Variants in GGNBP2 observed in about 807,000 individuals in gnomAD.
GGNBP2 encodes gametogenetin binding protein 2.
In GGNBP2, 10 loss-of-function variants were observed where a neutral mutation model predicts 85.9. The observed-to-expected ratio is 0.12, with a 90% CI of 0.07 to 0.20. The LOEUF is 0.20. GGNBP2 is among the 10% of genes least tolerant of loss of function. GGNBP2 has a pLI of 1.00. For missense variants in GGNBP2, 595 were observed against 857.8 expected (o/e 0.69, Z 3.83); for synonymous variants, 287 against 285.7 (o/e 1.00, Z -0.05).
chr17:36,550,025 C>A (rs557004412), intron 2 of GGNBP2, among the ~76,000 whole-genome samples: 5 of 152,004 alleles, frequency 3.3e-5, no homozygotes, highest in Non-Finnish European at 7.4e-5. Flanking sequence ...GCAACCTCCG[C>A]CTTCCAGGTT....
At chr17:36,577,500 T>C (rs1184001171) in intron 6 of GGNBP2, 2 of 159,874 alleles carry the variant, frequency 1.3e-5, no homozygotes, top group East Asian at 1.8e-4. Context: ...CTCAAATGCT[T>C]AGCTAGTGAA....
chr17:36,545,345 G>A (rs1018880418), intron 1 of GGNBP2, among the ~76,000 whole-genome samples: 1 of 146,314 alleles, frequency 6.8e-6, no homozygotes, highest in Non-Finnish European at 1.5e-5. Flanking sequence ...CAGCGGGCGG[G>A]GAAGCCCCCG....
chr17:36,570,075 G>A (rs1386541793), intron 6 of GGNBP2, among the ~76,000 whole-genome samples: 1 of 152,116 alleles, frequency 6.6e-6, no homozygotes, highest in Non-Finnish European at 1.5e-5. Context: ...CTCAATTTTT[G>A]TCTTCTTTAA....
At chr17:36,571,715 C>T (rs574237486) in intron 6 of GGNBP2, among the ~76,000 whole-genome samples, 21 of 151,910 alleles carry the variant, frequency 1.4e-4, no homozygotes, top group African/African-American at 5.1e-4. Context: ...TGATGGCGGG[C>T]GCCTGTAGTC....
At chr17:36,567,565 C>T (rs1009510516) in intron 5 of GGNBP2, 98 bp from the exon 6 acceptor site, 9 of 659,422 alleles carry the variant, frequency 1.4e-5, no homozygotes, top group South Asian at 5.7e-5. Context: ...CAGGGAACAG[C>T]CAGGTAAAAA....
Position 36,562,953 on chromosome 17 carries a change from CAAAAAAAAAAAAAAAA to C in GGNBP2, c.527+2097_527+2112del, listed in dbSNP as rs34799358. 7.2e-3 allele frequency among the ~76,000 whole-genome samples: 294 copies of C among 40,582 alleles called. 1 individual carries two copies. The highest frequency in any genetic ancestry group is 0.031 in the African/African-American group (274 of 8,820). The allele number at this position is 40,582 out of a possible 152,430, so 26.6% of individuals were successfully genotyped here. On this transcript the variant is annotated intron_variant, in intron 5 of 13. Transcript: ENST00000613102. ...TGGGCGACAGAGCGAGACTCTGTCT[CAAAAAAAAAAAAAAAA>C]AAAAAAAAAAAAAAGGCTGGGCGTG...
chr17:36,545,654 G>C lies in GGNBP2; in HGVS notation c.-71G>C. On this transcript the variant is annotated 5_prime_UTR_variant, in exon 2 of 14. Coordinates refer to ENST00000613102, the MANE Select transcript of GGNBP2 (RefSeq NM_024835.5). ...GGAGGAGGCGGCAGCGGCGGCGGCA[G>C]AAACAGCAGCGGCGGCGGCGGCGGC... is the stretch of plus-strand genomic sequence containing the variant. 2 of 1,261,052 alleles carry C rather than the reference G, an allele frequency of 1.6e-6. No individual in the cohort carries two copies. Among genetic ancestry groups the C allele is most frequent in the South Asian group, 2.6e-5 (2 of 77,924 alleles). The allele number at this position is 1,261,052 out of a possible 1,614,324, so 78.1% of individuals were successfully genotyped here.
At position 36,587,418 on chromosome 17, in the gene GGNBP2, A is replaced by G. The variant is rs568851083; in HGVS notation, c.1890+173A>G. 4.3e-5 allele frequency: 30 copies of G among 701,362 alleles called. No individual in the cohort carries two copies. In the African/African-American group the frequency reaches 4.6e-4, roughly 11 times the overall value. The allele number at this position is 701,362 out of a possible 1,614,324, so 43.4% of individuals were successfully genotyped here. On this transcript the variant is annotated intron_variant, in intron 13 of 13. Transcript: ENST00000613102. ...ATTTCTGTCCTTCCACTCGTGGTTT[A>G]TGCAACTACTCTGGAACACGTTTCC...
intron 6 of GGNBP2, among the ~76,000 whole-genome samples, 155 bp downstream of exon 6, chr17:36,567,931 CTT>C (rs373695854): frequency 4.9e-5 from 7 of 143,444 alleles, no homozygotes; most frequent in Non-Finnish European, 9.2e-5. Flanking sequence ...TAGGCAGTTC[CTT>C]TTTTTTTTTT....
chr17:36,582,751 A>C (rs1200940564), intron 9 of GGNBP2, among the ~76,000 whole-genome samples: 2 of 152,166 alleles, frequency 1.3e-5, no homozygotes, highest in Non-Finnish European at 2.9e-5. Context: ...ATCAAAGTCA[A>C]AATATAGAAA....
intron 4 of GGNBP2, among the ~76,000 whole-genome samples, chr17:36,559,491 A>G (rs987067258): frequency 1.3e-5 from 2 of 152,122 alleles, no homozygotes; most frequent in African/African-American, 4.8e-5. Flanking sequence ...TATAAATAGG[A>G]AAAGAAGAAG....
chr17:36,584,427 G>A (rs535300642), intron 9 of GGNBP2, among the ~76,000 whole-genome samples: 13 of 152,016 alleles, frequency 8.6e-5, no homozygotes, highest in African/African-American at 2.7e-4. Context: ...AGGCTCTGCC[G>A]TCCGTGTTCA....
At chr17:36,552,955 G>A (rs1331494813) in intron 2 of GGNBP2, among the ~76,000 whole-genome samples, 1 of 150,580 alleles carries the variant, frequency 6.6e-6, no homozygotes, top group African/African-American at 2.4e-5. Flanking sequence ...CTGGGAGGCG[G>A]AGGTTGCAGT....
At chr17:36,587,377 ATTG>A in intron 13 of GGNBP2, 132 bp downstream of exon 13, 1 of 958,540 alleles carries the variant, frequency 1.0e-6, no homozygotes, top group African/African-American at 1.6e-5. Flanking sequence ...GTATTTCATT[ATTG>A]TTTGGGGACT....
In GGNBP2 at chr17:36,559,723, A is replaced by C. The variant is rs2142715389; in HGVS notation, c.429-1050A>C. On this transcript the variant is annotated intron_variant, in intron 4 of 13. Transcript: ENST00000613102. ...AAGGAGACCATTTAGGAGGCCAGCT[A>C]TTGCAGTTGACTAAGCTAGAGATTG... Among the ~76,000 whole-genome samples the C allele has an allele frequency of 1.3e-5, 2 of 152,324 alleles. 1 individual carries two copies. The highest frequency in any genetic ancestry group is 4.1e-4 in the South Asian group (2 of 4,828).
chr17:36,552,784 T>G (rs887233553), intron 2 of GGNBP2, among the ~76,000 whole-genome samples: 3 of 151,600 alleles, frequency 2.0e-5, no homozygotes, highest in African/African-American at 7.3e-5. Flanking sequence ...ACTTTGGGAG[T>G]CCGAGGCAGG....
intron 3 of GGNBP2, 23 bp from the exon 4 acceptor site, chr17:36,557,058 CTT>C: frequency 6.2e-7 from 1 of 1,612,878 alleles, no homozygotes; most frequent in East Asian, 2.2e-5. Flanking sequence ...AAAGGACACT[CTT>C]TCATTTTCTT....
At chr17:36,580,184 T>A (rs2074632647) in intron 8 of GGNBP2, among the ~76,000 whole-genome samples, 1 of 151,452 alleles carries the variant, frequency 6.6e-6, no homozygotes, top group South Asian at 2.1e-4. Flanking sequence ...ATAAGGACTA[T>A]TTTTCTTTCT....
chr17:36,546,936 A>T (rs894365606), intron 2 of GGNBP2: 2 of 152,172 alleles, frequency 1.3e-5, no homozygotes, highest in African/African-American at 4.8e-5. Context: ...TGCCAGTCTC[A>T]ATTAAGACTT....
Sources: gnomAD v4.1 joint callset for allele counts (sites outside exome capture counted in the v4.1 genomes callset) on GRCh38, gnomAD v4.1.1 for gene constraint, MANE v1.5 for transcripts, NCBI Gene and HGNC (gene_info 2026-07-23, HGNC 2026-07-21) for gene names.